The following WDR41 variants were observed in gnomAD, a reference collection of about 807,000 sequenced individuals.
The protein encoded by WDR41 is WD repeat-containing protein 41.
WDR41 carries 63 observed loss-of-function variants against 69.3 expected under a neutral mutation model. The ratio of observed to expected loss-of-function variants is 0.91; its 90% confidence interval spans 0.74 to 1.12. The LOEUF is 1.12. Ranked by LOEUF, WDR41 falls within the 50% of genes most tolerant of loss-of-function variation. The probability of loss-of-function intolerance (pLI) is 0.00; values close to 1 mark genes in which losing one functional copy is unlikely to be tolerated. For missense variants in WDR41, 543 were observed against 534.5 expected, an observed-to-expected ratio of 1.02 and a Z score of -0.16; for synonymous variants, 185 against 192.1, an observed-to-expected ratio of 0.96 and a Z score of 0.31.
chr5:77,514,290 A>G (rs909014212), intron 1 of WDR41, among the ~76,000 whole-genome samples: 3 of 151,954 alleles, frequency 2.0e-5, no homozygotes, highest in African/African-American at 7.3e-5. Context: ...TAGCCTAGAC[A>G]TTTTCCATGT....
chr5:77,489,222 C>A (rs1390406944), intron 2 of WDR41, among the ~76,000 whole-genome samples: 1 of 152,064 alleles, frequency 6.6e-6, no homozygotes, highest in African/African-American at 2.4e-5. Context: ...AGAATGCAAA[C>A]AAACAAACAT....
intron 1 of WDR41, among the ~76,000 whole-genome samples, chr5:77,514,494 ATC>A (rs1224297679): frequency 2.0e-5 from 3 of 152,192 alleles, no homozygotes; most frequent in African/African-American, 7.2e-5. Context: ...TGATTTCATC[ATC>A]TGTCTTCCCC....
chr5:77,496,787 G>A (rs970199876), upstream of WDR41, among the ~76,000 whole-genome samples: 11 of 151,920 alleles, frequency 7.2e-5, no homozygotes, highest in South Asian at 2.1e-4. Context: ...AATTGCAAGG[G>A]GTCCCAAATA....
At chr5:77,526,275 C>T (rs1004907943) in intron 1 of WDR41, among the ~76,000 whole-genome samples, 1 of 151,592 alleles carries the variant, frequency 6.6e-6, no homozygotes, top group African/African-American at 2.4e-5. Context: ...TCATTTCAAC[C>T]TTAAATACTT....
At chr5:77,505,014 G>A (rs1187041160) in intron 1 of WDR41, among the ~76,000 whole-genome samples, 1 of 152,220 alleles carries the variant, frequency 6.6e-6, no homozygotes, top group Non-Finnish European at 1.5e-5. Flanking sequence ...AGTGTTGGAA[G>A]TTCTGGCCAG....
chr5:77,618,170 C>G (rs139249378), intron 1 of WDR41, among the ~76,000 whole-genome samples: 1 of 152,152 alleles, frequency 6.6e-6, no homozygotes, highest in Non-Finnish European at 1.5e-5. Flanking sequence ...ACACTTAATT[C>G]CCCTGGACAT....
chr5:77,472,058 C>T (rs1237331643), intron 2 of WDR41, among the ~76,000 whole-genome samples: 1 of 152,184 alleles, frequency 6.6e-6, no homozygotes, highest in East Asian at 1.9e-4. Context: ...AGCAGCACAT[C>T]AAAAAGCTTA....
chr5:77,549,178 C>G (rs1307930174), intron 1 of WDR41, among the ~76,000 whole-genome samples: 1 of 152,052 alleles, frequency 6.6e-6, no homozygotes. Context: ...AAATAGGGTG[C>G]AGTGTATACT....
Position 77,606,469 on chromosome 5 carries a change from A to G in WDR41, c.42+14010T>C, listed in dbSNP as rs1388090446. On this transcript the variant is annotated intron_variant, in intron 1 of 5. Transcript: ENST00000509971. ...GGAAAGATGGCCAACTCAAATGGAT[A>G]CAGGAACAAACAGGAAGTGTAAATG... 2.0e-5 allele frequency among the ~76,000 whole-genome samples: 3 copies of G among 152,320 alleles called. No homozygotes were observed. The East Asian group carries it at 5.8e-4, about 29-fold the overall frequency.
intron 2 of WDR41, among the ~76,000 whole-genome samples, chr5:77,484,959 T>A (rs939316443): frequency 2.0e-5 from 3 of 152,206 alleles, no homozygotes; most frequent in African/African-American, 7.2e-5. Context: ...ATGTTCTTCA[T>A]GAAGGACCCT....
chr5:77,570,007 T>C (rs1197701175), intron 1 of WDR41, among the ~76,000 whole-genome samples: 1 of 152,162 alleles, frequency 6.6e-6, no homozygotes, highest in Non-Finnish European at 1.5e-5. Context: ...AATAAACTGG[T>C]ATTTAGTCAT....
chr5:77,534,644 G>A (rs1330443126), intron 1 of WDR41, among the ~76,000 whole-genome samples: 2 of 152,052 alleles, frequency 1.3e-5, no homozygotes, highest in African/African-American at 2.4e-5. Context: ...ATGTTGCCCA[G>A]GCTGGTCTCA....
chr5:77,441,656 TGAACCTGG>T (rs1339941692), intron 8 of WDR41, among the ~76,000 whole-genome samples: 3 of 152,048 alleles, frequency 2.0e-5, no homozygotes, highest in African/African-American at 7.2e-5. Context: ...GAGAACTGCT[TGAACCTGG>T]GACGCAGAGG....
At chr5:77,467,290 T>C (rs1800348169) in intron 2 of WDR41, among the ~76,000 whole-genome samples, 1 of 151,964 alleles carries the variant, frequency 6.6e-6, no homozygotes, top group Non-Finnish European at 1.5e-5. Flanking sequence ...AAAGATAAGA[T>C]TTTGAGAGAA....
chr5:77,565,684 C>G (rs1390299190), intron 1 of WDR41, among the ~76,000 whole-genome samples: 1 of 152,084 alleles, frequency 6.6e-6, no homozygotes, highest in Non-Finnish European at 1.5e-5. Context: ...AAGATGAGCC[C>G]CATCTGACCT....
At chr5:77,469,738 GATAAA>G (rs1800483080) in intron 2 of WDR41, among the ~76,000 whole-genome samples, 1 of 92,558 alleles carries the variant, frequency 1.1e-5, no homozygotes, top group Admixed American at 1.2e-4. Context: ...AGAAAAAAAG[GATAAA>G]AAGAAACAAA....
chr5:77,598,567 T>A (rs1266274614), intron 1 of WDR41, among the ~76,000 whole-genome samples: 1 of 151,362 alleles, frequency 6.6e-6, no homozygotes, highest in East Asian at 1.9e-4. Context: ...CTAGGCTCAG[T>A]GAACAACACT....
intron 2 of WDR41, among the ~76,000 whole-genome samples, chr5:77,474,448 T>C (rs938754885): frequency 6.6e-6 from 1 of 151,968 alleles, no homozygotes; most frequent in Non-Finnish European, 1.5e-5. Context: ...ACAAAAAAAA[T>C]CACAATTTTC....
rs537054502 is a variant in WDR41, at chr5:77,566,874, G to A, written c.42+53605C>T. On this transcript the variant is annotated intron_variant, in intron 1 of 5. Coordinates refer to the WDR41 transcript ENST00000509971. ...TTCCTAACAGTCAGCATGATCTGAGGGGCACCAGAAGTCACTAGAGTTAAA... is the reference window on the plus strand; with the variant it reads ...TTCCTAACAGTCAGCATGATCTGAGAGGCACCAGAAGTCACTAGAGTTAAA... Among the ~76,000 whole-genome samples the A allele has an allele frequency of 5.3e-4, 80 of 152,198 alleles. No individual in the cohort carries two copies. The South Asian group carries it at 0.016, about 30-fold the overall frequency.
Sources: gnomAD v4.1 joint callset for allele counts (sites outside exome capture counted in the v4.1 genomes callset) on GRCh38, gnomAD v4.1.1 for gene constraint, MANE v1.5 for transcripts, NCBI Gene and HGNC (gene_info 2026-07-23, HGNC 2026-07-21) for gene names.